GPR137B: variants seen among roughly 807,000 people sequenced by gnomAD.
GPR137B encodes G protein-coupled receptor 137B, also known as integral membrane protein GPR137B.
Under a neutral mutation model 42.5 loss-of-function variants are expected in GPR137B, and 42 were observed. That is an observed-to-expected ratio of 0.99 (90% confidence interval 0.77 to 1.28). The LOEUF is 1.28. Ranked by LOEUF, GPR137B falls within the 50% of genes most tolerant of loss-of-function variation. The pLI is 0.00. For missense variants in GPR137B, 487 were observed against 493.9 expected, an observed-to-expected ratio of 0.99 and a Z score of 0.13; for synonymous variants, 218 against 209.7, an observed-to-expected ratio of 1.04 and a Z score of -0.34.
chr1:236,158,657 G>T (rs1259499926), intron 1 of GPR137B, among the ~76,000 whole-genome samples: 1 of 152,218 alleles, frequency 6.6e-6, no homozygotes, highest in Non-Finnish European at 1.5e-5. Context: ...TGTGCTTGGT[G>T]CACTAAGAGT....
intron 6 of GPR137B, among the ~76,000 whole-genome samples, chr1:236,207,783 A>G (rs1489500589): frequency 6.6e-6 from 1 of 152,114 alleles, no homozygotes; most frequent in Non-Finnish European, 1.5e-5. Context: ...TTGTTGCTGA[A>G]AACATTTCCT....
chr1:236,186,216 T>A (rs1277994965), intron 5 of GPR137B, among the ~76,000 whole-genome samples: 1 of 40,064 alleles, frequency 2.5e-5, no homozygotes, highest in Non-Finnish European at 3.5e-5. Flanking sequence ...TACTATATAT[T>A]ATATATAATA....
At chr1:236,191,200 A>G (rs552298666) in intron 5 of GPR137B, among the ~76,000 whole-genome samples, 20 of 152,178 alleles carry the variant, frequency 1.3e-4, no homozygotes, top group South Asian at 6.2e-4. Context: ...CAGGTCATTT[A>G]TATTCTCCTC....
intron 2 of GPR137B, among the ~76,000 whole-genome samples, chr1:236,174,996 G>A (rs1267736977): frequency 1.3e-5 from 2 of 152,160 alleles, no homozygotes; most frequent in African/African-American, 4.8e-5. Context: ...TCATACAAAA[G>A]TCATGATTGA....
intron 4 of GPR137B, among the ~76,000 whole-genome samples, chr1:236,181,311 A>G (rs1331088569): frequency 1.3e-5 from 2 of 151,912 alleles, no homozygotes; most frequent in Non-Finnish European, 2.9e-5. Flanking sequence ...AGAATGAACC[A>G]CCATTCACTC....
At chr1:236,195,139 T>A (rs1327274475) in intron 5 of GPR137B, among the ~76,000 whole-genome samples, 1 of 152,174 alleles carries the variant, frequency 6.6e-6, no homozygotes, top group Non-Finnish European at 1.5e-5. Context: ...TTAGTTATTT[T>A]AAAATGTACA....
intron 1 of GPR137B, among the ~76,000 whole-genome samples, chr1:236,164,930 GTTTTGC>G (rs754464495): frequency 8.6e-5 from 13 of 151,578 alleles, no homozygotes; most frequent in Non-Finnish European, 1.8e-4. Flanking sequence ...GATGGATGGA[GTTTTGC>G]TCTTGTTGCC....
Position 236,205,141 on chromosome 1 carries a change from G to A in GPR137B, c.982G>A (p.Val328Ile). The change falls in exon 6 of 7, where the codon GTC becomes ATC. Residue 328 changes from valine (V) to isoleucine (I), a missense_variant. Val to Ile is a conservative substitution (Grantham distance 29). Transcript: ENST00000366592. ...PTKDLTNPGMVPSHGFSPRSY... is the reference protein window; with the variant it reads ...PTKDLTNPGMIPSHGFSPRSY... Reference sequence around the variant, plus strand: ...GTCTTTCTAGACCAACCCTGGAATGGTCCCCAGCCATGGATTCAGTCCCAG... The same window carrying A: ...GTCTTTCTAGACCAACCCTGGAATGATCCCCAGCCATGGATTCAGTCCCAG... 1 of 1,613,008 alleles carries A rather than the reference G, an allele frequency of 6.2e-7. No individual in the cohort carries two copies. The highest frequency in any genetic ancestry group is 1.1e-5 in the South Asian group (1 of 91,004).
chr1:236,173,357 A>C (rs1267952214), intron 2 of GPR137B, among the ~76,000 whole-genome samples: 1 of 150,636 alleles, frequency 6.6e-6, no homozygotes, highest in Non-Finnish European at 1.5e-5. Context: ...AGAGAGAGAA[A>C]GGAAGAAACG....
intron 2 of GPR137B, among the ~76,000 whole-genome samples, chr1:236,174,416 T>C (rs1437680287): frequency 6.6e-6 from 1 of 152,126 alleles, no homozygotes; most frequent in African/African-American, 2.4e-5. Context: ...GTCCATAGAT[T>C]GAGCTGCCTC....
At chr1:236,153,490 G>A (rs1661931135) in intron 1 of GPR137B, among the ~76,000 whole-genome samples, 1 of 152,180 alleles carries the variant, frequency 6.6e-6, no homozygotes. Flanking sequence ...TGTGCTGCAT[G>A]GATAGAGACT....
At chr1:236,182,733 T>TCAAA (rs3082532) in intron 4 of GPR137B, among the ~76,000 whole-genome samples, 82,438 of 150,344 alleles carry the variant, frequency 0.55, 25,384 homozygotes, top group East Asian at 0.84. Flanking sequence ...AGACCCTGTC[T>TCAAA]CAAACAAACA....
In GPR137B at chr1:236,208,147, A is replaced by C; in HGVS notation, c.1189A>C (p.Ser397Arg). The change falls in exon 7 of 7, where the codon AGC becomes CGC. Residue 397 changes from serine to arginine, a missense_variant. Ser to Arg is a moderately radical substitution (Grantham distance 110). Coordinates refer to ENST00000366592, the MANE Select transcript of GPR137B (RefSeq NM_003272.4). Reference protein sequence around the residue: ...QDSTLDPDKPSLG With the variant: ...QDSTLDPDKPRLG ...CTCAACTTTGGATCCTGACAAACCA[A>C]GCCTTGGGTAGCATCAGTTAACAGT... is the stretch of plus-strand genomic sequence containing the variant. 1 of 1,613,746 alleles carries C rather than the reference A, an allele frequency of 6.2e-7. No individual in the cohort carries two copies. Among genetic ancestry groups the C allele is most frequent in the Non-Finnish European group, 8.5e-7 (1 of 1,179,734 alleles).
intron 1 of GPR137B, among the ~76,000 whole-genome samples, chr1:236,157,664 A>C (rs567200758): frequency 6.6e-6 from 1 of 152,280 alleles, no homozygotes; most frequent in African/African-American, 2.4e-5. Context: ...AGAGCCCCAC[A>C]TACTCACATC....
chr1:236,191,602 A>C (rs1663194719), intron 5 of GPR137B, among the ~76,000 whole-genome samples: 1 of 152,012 alleles, frequency 6.6e-6, no homozygotes, highest in Non-Finnish European at 1.5e-5. Flanking sequence ...GGTCTGCTGG[A>C]GTTTGCAGGA....
At chr1:236,176,540 T>G (rs1359281651) in intron 2 of GPR137B, among the ~76,000 whole-genome samples, 1 of 152,154 alleles carries the variant, frequency 6.6e-6, no homozygotes, top group East Asian at 1.9e-4. Flanking sequence ...ACGAGCCTGA[T>G]GAGCAGCCAG....
At chr1:236,201,451 T>C (rs183778348) in intron 5 of GPR137B, among the ~76,000 whole-genome samples, 3 of 152,166 alleles carry the variant, frequency 2.0e-5, no homozygotes, top group East Asian at 3.9e-4. Flanking sequence ...CACAAATTTA[T>C]TGGAGGCTCT....
At chr1:236,180,373 G>A (rs1368372731) in intron 4 of GPR137B, among the ~76,000 whole-genome samples, 2 of 148,500 alleles carry the variant, frequency 1.3e-5, no homozygotes, top group African/African-American at 2.6e-5. Context: ...ATGGAGGGCC[G>A]ACTGTTTGCA....
intron 5 of GPR137B, among the ~76,000 whole-genome samples, chr1:236,199,301 A>T (rs1397601457): frequency 6.6e-6 from 1 of 152,156 alleles, no homozygotes; most frequent in Non-Finnish European, 1.5e-5. Flanking sequence ...TCAGTTAGCT[A>T]TTAATATTTT....
Sources: allele counts gnomAD v4.1 joint callset (sites outside exome capture counted in the v4.1 genomes callset), GRCh38; gene constraint gnomAD v4.1.1; transcripts MANE v1.5; gene names NCBI Gene and HGNC (gene_info 2026-07-23, HGNC 2026-07-21).